The following PLA2G7 variants were observed in gnomAD, a reference collection of about 807,000 sequenced individuals.
PLA2G7 encodes the protein phospholipase A2 group VII.
A neutral mutation model predicts 49.6 loss-of-function variants in PLA2G7; 63 were observed. The ratio of observed to expected loss-of-function variants is 1.27; its 90% CI spans 1.04 to 1.57. The LOEUF is 1.57. Ranked by LOEUF, PLA2G7 falls within the 40% of genes most tolerant of loss-of-function variation. The pLI, the probability that PLA2G7 is intolerant of heterozygous loss-of-function variation, is 0.00. For synonymous variants in PLA2G7, 193 were observed against 169.9 expected, an observed-to-expected ratio of 1.14 and a Z score of -1.06; for missense variants, 596 against 521.2, an observed-to-expected ratio of 1.14 and a Z score of -1.40.
intron 1 of PLA2G7, among the ~76,000 whole-genome samples, chr6:46,727,702 A>G (rs1456728869): frequency 6.6e-6 from 1 of 152,242 alleles, no homozygotes; most frequent in East Asian, 1.9e-4. Context: ...TTAAAAGTAT[A>G]AGAGGATGGC....
chr6:46,709,786 T>G (rs1368137014), intron 8 of PLA2G7, among the ~76,000 whole-genome samples: 1 of 152,188 alleles, frequency 6.6e-6, no homozygotes, highest in African/African-American at 2.4e-5. Context: ...TGCCAGGTAC[T>G]GCAGTCTCAT....
intron 2 of PLA2G7, among the ~76,000 whole-genome samples, chr6:46,717,704 TTTTTCTTTTTC>T: frequency 1.1e-5 from 1 of 87,286 alleles, no homozygotes; most frequent in African/African-American, 5.3e-5. Context: ...TTTTCTTTCT[TTTTTCTTTTTC>T]TTTTTTTTTT....
chr6:46,728,696 GT>G (rs1765642158), intron 1 of PLA2G7, among the ~76,000 whole-genome samples: 1 of 152,182 alleles, frequency 6.6e-6, no homozygotes, highest in South Asian at 2.1e-4. Flanking sequence ...TATACTGTAA[GT>G]TCCTGATCTT....
In PLA2G7 at chr6:46,711,550, C is replaced by G; in HGVS notation, c.609G>C (p.Trp203Cys). 6.2e-7 allele frequency: 1 copy of G among 1,613,726 alleles called. No homozygotes were observed. The highest frequency in any genetic ancestry group is 2.2e-5 in the East Asian group (1 of 44,854). Residue 203 changes from tryptophan to cysteine, a missense_variant, in exon 7 of 12, where the codon TGG becomes TGC. Trp to Cys is a radical substitution (Grantham distance 215). Coordinates refer to ENST00000274793, the MANE Select transcript of PLA2G7 (RefSeq NM_005084.4). ...CTTGTTTCAGGGTTCTAAGGTAGAG[C>G]CAAGACTTGTCCCCTATTTCTGCAG... ...QSAAEIGDKSWLYLRTLKQEE... is the reference protein window; with the variant it reads ...QSAAEIGDKSCLYLRTLKQEE...
rs1582568385 is a variant in PLA2G7 at position 46,712,408 on chromosome 6, T to C, written c.471-71A>G. The C allele has an allele frequency of 6.8e-6, 8 of 1,174,236 alleles. No individual in the cohort carries two copies. In the East Asian group the frequency reaches 1.4e-4, roughly 21 times the overall value. The allele number at this position is 1,174,236 out of a possible 1,614,324, so 72.7% of individuals were successfully genotyped here. ...ACAAGGCTGAGTCCACTAATAAAAC[T>C]GGGAACATGGAGGCCATTACACCCC... On this transcript the variant is annotated intron_variant, in intron 5 of 11. Transcript: ENST00000274793.
At chr6:46,717,874 T>C (rs1017277368) in intron 2 of PLA2G7, among the ~76,000 whole-genome samples, 3 of 151,912 alleles carry the variant, frequency 2.0e-5, no homozygotes, top group Admixed American at 6.6e-5. Flanking sequence ...TGTGCCACCA[T>C]GCCCAGCTAA....
intron 6 of PLA2G7, 96 bp from the exon 7 acceptor site, chr6:46,711,715 TC>T (rs1360310676): frequency 2.4e-5 from 29 of 1,197,682 alleles, no homozygotes; most frequent in Non-Finnish European, 3.6e-5. Flanking sequence ...CTTCCTCTGA[TC>T]TTTTGACTTC....
intron 4 of PLA2G7, 37 bp from the exon 5 acceptor site, chr6:46,714,590 C>A: frequency 8.5e-7 from 1 of 1,173,412 alleles, no homozygotes; most frequent in Non-Finnish European, 1.3e-6. Context: ...AAGGTTTTCT[C>A]TGAGTGTTGC....
rs959145618 is a variant in PLA2G7 at position 46,732,341 on chromosome 6, G to A, written c.-35+2839C>T. ...CTCACAATCCAATCCAAGAAGCTAG[G>A]CCCCTCCCATATATCCAACACACAC... On this transcript the variant is annotated intron_variant, in intron 1 of 11. Coordinates refer to ENST00000274793, the MANE Select transcript of PLA2G7 (RefSeq NM_005084.4). Among the ~76,000 whole-genome samples the A allele has an allele frequency of 3.4e-5, 5 of 148,066 alleles. No homozygotes were observed. In the Admixed American group the frequency reaches 3.4e-4, roughly 10 times the overall value.
chr6:46,720,224 A>G (rs566321197), intron 2 of PLA2G7, among the ~76,000 whole-genome samples: 86 of 152,286 alleles, frequency 5.6e-4, no homozygotes, highest in Non-Finnish European at 1.1e-3. Flanking sequence ...TGGAGACACT[A>G]CCTCTAGAAT....
intron 2 of PLA2G7, among the ~76,000 whole-genome samples, chr6:46,722,549 G>A (rs1396323906): frequency 1.3e-5 from 2 of 152,160 alleles, no homozygotes; most frequent in African/African-American, 2.4e-5. Context: ...ATCTTAAAAT[G>A]TCCCATCCTG....
intron 1 of PLA2G7, among the ~76,000 whole-genome samples, chr6:46,731,651 A>T (rs1483952357): frequency 6.6e-6 from 1 of 152,236 alleles, no homozygotes; most frequent in African/African-American, 2.4e-5. Flanking sequence ...TACTGAAAAT[A>T]ATATAATAAG....
intron 2 of PLA2G7, among the ~76,000 whole-genome samples, chr6:46,717,832 C>T (rs1411508551): frequency 6.6e-6 from 1 of 151,632 alleles, no homozygotes; most frequent in Non-Finnish European, 1.5e-5. Context: ...CTGCCTCAGC[C>T]TCCTGAGTAG....
Position 46,716,399 on chromosome 6 carries a change from A to G in PLA2G7, c.361T>C (p.Leu121=), listed in dbSNP as rs779027670. ...LGTHWLMGNI[L]RLLFGSMTTP... Reference sequence around the variant, plus strand: ...GAAATCTTACCAAAGAGTAACCTCAAAATGTTGCCCATAAGCCAGTGTGTT... The same window carrying G: ...GAAATCTTACCAAAGAGTAACCTCAGAATGTTGCCCATAAGCCAGTGTGTT... The change falls in exon 4 of 12, where the codon TTG becomes CTG. Residue 121 remains leucine (L), a synonymous_variant. Transcript: ENST00000274793. 1.2e-6 allele frequency: 2 copies of G among 1,614,160 alleles called. No homozygotes were observed. The highest frequency in any genetic ancestry group is 1.7e-6 in the Non-Finnish European group (2 of 1,179,996).
chr6:46,724,333 C>T (rs1325733975), intron 1 of PLA2G7, among the ~76,000 whole-genome samples: 1 of 152,152 alleles, frequency 6.6e-6, no homozygotes, highest in African/African-American at 2.4e-5. Flanking sequence ...ATTCCCAAGA[C>T]CTAGAATAGT....
chr6:46,705,260 G>T lies in PLA2G7; in HGVS notation c.1082C>A (p.Thr361Asn). 6.2e-7 allele frequency: 1 copy of T among 1,611,226 alleles called. No individual in the cohort carries two copies. ...GAGCATGTGTCCAATTATTTTGCCA[G>T]TTGCAAAAGTGAAGTCAGCAAAATT... ...HQNFADFTFA[T>N]GKIIGHMLKL... The change falls in exon 11 of 12, where the codon ACT becomes AAT. Residue 361 changes from threonine to asparagine, a missense_variant. Coordinates refer to ENST00000274793, the MANE Select transcript of PLA2G7 (RefSeq NM_005084.4).
At chr6:46,731,570 G>A (rs1765735416) in intron 1 of PLA2G7, among the ~76,000 whole-genome samples, 1 of 151,488 alleles carries the variant, frequency 6.6e-6, no homozygotes, top group African/African-American at 2.4e-5. Flanking sequence ...TGTTTTTATT[G>A]GTAACTCTTA....
intron 2 of PLA2G7, among the ~76,000 whole-genome samples, chr6:46,719,725 A>G (rs532397280): frequency 2.3e-4 from 35 of 152,284 alleles, no homozygotes; most frequent in African/African-American, 8.4e-4. Context: ...AGCCCACAGT[A>G]CAGTTGTAAA....
At chr6:46,704,734 T>G (rs200792132) in intron 11 of PLA2G7, 38 bp from the exon 12 acceptor site, 225 of 1,344,820 alleles carry the variant, frequency 1.7e-4, no homozygotes, top group Non-Finnish European at 2.3e-4. Context: ...TATTAAACTT[T>G]TGAGAGCATT....
Sources: allele counts gnomAD v4.1 joint callset (sites outside exome capture counted in the v4.1 genomes callset), GRCh38; gene constraint gnomAD v4.1.1; transcripts MANE v1.5; gene names NCBI Gene and HGNC (gene_info 2026-07-23, HGNC 2026-07-21).